Variants in SCMH1 observed in about 807,000 individuals in gnomAD.
SCMH1 encodes polycomb protein SCMH1.
A neutral mutation model predicts 70.8 loss-of-function variants in SCMH1; 37 were observed. The observed-to-expected ratio is 0.52, with a 90% CI of 0.40 to 0.69. The LOEUF (loss-of-function observed/expected upper bound fraction) is 0.69. Among genes scored for constraint, SCMH1 ranks in the 30% least tolerant of loss-of-function variants. The pLI, the probability that SCMH1 is intolerant of heterozygous loss-of-function variation, is 0.00. For missense variants in SCMH1, 607 were observed against 827.3 expected (o/e 0.73, Z 3.27); for synonymous variants, 292 against 307.4 (o/e 0.95, Z 0.52).
intron 1 of SCMH1, among the ~76,000 whole-genome samples, chr1:41,240,741 GTTTTC>G (rs1268413907): frequency 4.9e-5 from 7 of 141,736 alleles, no homozygotes; most frequent in South Asian, 4.7e-4. Context: ...ACTACTAAAT[GTTTTC>G]TTTTTTTTTT....
chr1:41,194,723 C>A (rs1364589161), intron 1 of SCMH1, among the ~76,000 whole-genome samples: 1 of 151,720 alleles, frequency 6.6e-6, no homozygotes, highest in Non-Finnish European at 1.5e-5. Context: ...GGTACATGAC[C>A]AGGGCCATTT....
At chr1:41,064,473 C>T (rs968069238) in intron 10 of SCMH1, among the ~76,000 whole-genome samples, 5 of 152,278 alleles carry the variant, frequency 3.3e-5, no homozygotes, top group African/African-American at 9.6e-5. Context: ...GTGACATGAT[C>T]GTCTATGCAG....
chr1:41,114,280 G>A (rs993828832), intron 7 of SCMH1, among the ~76,000 whole-genome samples: 2 of 152,082 alleles, frequency 1.3e-5, no homozygotes, highest in Non-Finnish European at 1.5e-5. Context: ...TACTTTCACC[G>A]GAAGTGTAGA....
intron 1 of SCMH1, among the ~76,000 whole-genome samples, chr1:41,225,159 T>C (rs1191966065): frequency 6.6e-6 from 1 of 152,232 alleles, no homozygotes; most frequent in Non-Finnish European, 1.5e-5. Context: ...AAATAACTTT[T>C]AACTTTCTCT....
chr1:41,234,181 T>A (rs1661859947), intron 1 of SCMH1, among the ~76,000 whole-genome samples: 1 of 152,180 alleles, frequency 6.6e-6, no homozygotes, highest in Non-Finnish European at 1.5e-5. Context: ...ACGCCTGTAA[T>A]TTCAGCACTT....
At chr1:41,234,753 C>A (rs1224936274) in intron 1 of SCMH1, among the ~76,000 whole-genome samples, 1 of 151,960 alleles carries the variant, frequency 6.6e-6, no homozygotes, top group Admixed American at 6.6e-5. Flanking sequence ...GGATTACAGG[C>A]ATGAGCCACC....
At chr1:41,124,148 T>G (rs912986664) in intron 6 of SCMH1, among the ~76,000 whole-genome samples, 5 of 152,166 alleles carry the variant, frequency 3.3e-5, no homozygotes, top group Admixed American at 2.6e-4. Context: ...TCAACTAGAT[T>G]CAACAACTAT....
intron 12 of SCMH1, 40 bp downstream of exon 12, chr1:41,046,367 T>C (rs749285932): frequency 6.3e-7 from 1 of 1,583,528 alleles, no homozygotes; most frequent in South Asian, 1.1e-5. Flanking sequence ...CTGCTAGCCC[T>C]GTCCCCCACT....
intron 1 of SCMH1, among the ~76,000 whole-genome samples, chr1:41,192,755 T>C (rs998429253): frequency 6.6e-6 from 1 of 152,206 alleles, no homozygotes; most frequent in Non-Finnish European, 1.5e-5. Flanking sequence ...ACAAACTGAA[T>C]TGGAGTGGAG....
chr1:41,054,977 C>T (rs1316018057), intron 10 of SCMH1, among the ~76,000 whole-genome samples: 1 of 152,154 alleles, frequency 6.6e-6, no homozygotes, highest in East Asian at 1.9e-4. Flanking sequence ...GAGACGGGTT[C>T]TCACTATGTT....
chr1:41,073,570 G>T (rs571953261), intron 9 of SCMH1, among the ~76,000 whole-genome samples: 2 of 152,084 alleles, frequency 1.3e-5, no homozygotes, highest in East Asian at 3.9e-4. Context: ...CTGAGAATTC[G>T]AAGCCAAAAA....
chr1:41,182,332 TA>T (rs1649031096), intron 2 of SCMH1, among the ~76,000 whole-genome samples: 1 of 152,192 alleles, frequency 6.6e-6, no homozygotes, highest in African/African-American at 2.4e-5. Flanking sequence ...ACATACACCC[TA>T]AAACTTAAAG....
chr1:41,029,141 A>G (rs897386430), intron 13 of SCMH1, among the ~76,000 whole-genome samples: 7 of 152,078 alleles, frequency 4.6e-5, no homozygotes, highest in African/African-American at 1.7e-4. Flanking sequence ...GGCAAAAAAT[A>G]CCCTGGATTC....
intron 10 of SCMH1, 70 bp downstream of exon 10, chr1:41,070,525 G>GT: frequency 6.3e-7 from 1 of 1,588,030 alleles, no homozygotes; most frequent in Non-Finnish European, 8.6e-7. Context: ...AATTACTGGT[G>GT]TAAGACAAAA....
chr1:41,197,108 T>C (rs1352027878), intron 1 of SCMH1, among the ~76,000 whole-genome samples: 1 of 152,084 alleles, frequency 6.6e-6, no homozygotes, highest in Admixed American at 6.5e-5. Context: ...GAATGTAAAA[T>C]GGTATAGCTG....
chr1:41,221,386 A>C (rs953756233), intron 1 of SCMH1, among the ~76,000 whole-genome samples: 12 of 152,164 alleles, frequency 7.9e-5, no homozygotes, highest in African/African-American at 2.9e-4. Flanking sequence ...ACATTTAAAA[A>C]TGGTTAAAAT....
chr1:41,238,317 G>A (rs1016673508), intron 1 of SCMH1, among the ~76,000 whole-genome samples: 1 of 152,090 alleles, frequency 6.6e-6, no homozygotes, highest in Non-Finnish European at 1.5e-5. Context: ...TGAGGTATGT[G>A]CCCTCCCACT....
At chr1:41,163,466 A>G (rs556104866) in intron 2 of SCMH1, among the ~76,000 whole-genome samples, 1 of 152,380 alleles carries the variant, frequency 6.6e-6, no homozygotes, top group East Asian at 1.9e-4. Flanking sequence ...GTTTCCGGCC[A>G]GAAAAGCAAC....
At chr1:41,233,481 A>C (rs950633236) in intron 1 of SCMH1, among the ~76,000 whole-genome samples, 4 of 152,170 alleles carry the variant, frequency 2.6e-5, no homozygotes, top group African/African-American at 9.7e-5. Context: ...AAGTCTTTCG[A>C]TCATGTTAAT....
Sources: allele counts gnomAD v4.1 joint callset (sites outside exome capture counted in the v4.1 genomes callset), GRCh38; gene constraint gnomAD v4.1.1; transcripts MANE v1.5; gene names NCBI Gene and HGNC (gene_info 2026-07-23, HGNC 2026-07-21).